ADGRL3: variants seen among roughly 807,000 people sequenced by gnomAD.
ADGRL3 encodes calcium-independent alpha-latrotoxin receptor 3.
ADGRL3 carries 62 observed loss-of-function variants against 153.5 expected under a neutral mutation model. The observed-to-expected ratio is 0.40, with a 90% confidence interval of 0.33 to 0.50. The LOEUF is 0.50. ADGRL3 is among the 20% of genes least tolerant of loss of function. ADGRL3 has a pLI of 0.47. For synonymous variants in ADGRL3, 710 were observed against 672.5 expected (o/e 1.06, Z -0.86); for missense variants, 1,641 against 1,859.4 (o/e 0.88, Z 2.16).
At chr4:61,904,783 A>T (rs1318987564) in intron 11 of ADGRL3, among the ~76,000 whole-genome samples, 4 of 152,122 alleles carry the variant, frequency 2.6e-5, no homozygotes, top group African/African-American at 9.7e-5. Context: ...TCATCGATAG[A>T]TGTAATTAAA....
chr4:61,972,532 G>C (rs1387735416), intron 17 of ADGRL3, among the ~76,000 whole-genome samples: 7 of 152,146 alleles, frequency 4.6e-5, no homozygotes, highest in South Asian at 2.1e-4. Context: ...TGTTTTGGTA[G>C]CTGTACCATG....
chr4:61,781,722 C>T (rs985731421), intron 8 of ADGRL3, among the ~76,000 whole-genome samples: 6 of 152,178 alleles, frequency 3.9e-5, no homozygotes, highest in East Asian at 1.9e-4. Flanking sequence ...ATAGTAAAAG[C>T]GGTAAAATTA....
At position 61,580,808 on chromosome 4, in the gene ADGRL3, G is replaced by C. The variant is rs530218949; in HGVS notation, c.260-6419G>C. On this transcript the variant is annotated intron_variant, in intron 4 of 26. Transcript: ENST00000683033. ...CTCTCAAGATATGATAGTTGGCTTTGCATAAAACGAGGGACTGAAGGGAGG... is the reference window on the plus strand; with the variant it reads ...CTCTCAAGATATGATAGTTGGCTTTCCATAAAACGAGGGACTGAAGGGAGG... Among the ~76,000 whole-genome samples the C allele has an allele frequency of 3.9e-5, 6 of 152,046 alleles. 1 individual carries two copies. In the East Asian group the frequency reaches 9.7e-4, roughly 25 times the overall value.
At chr4:61,877,195 A>G (rs1006905280) in intron 9 of ADGRL3, among the ~76,000 whole-genome samples, 1 of 152,206 alleles carries the variant, frequency 6.6e-6, no homozygotes, top group African/African-American at 2.4e-5. Flanking sequence ...GATGGTAGGA[A>G]ATCATGGGAT....
At chr4:61,448,364 A>G (rs2097613848) in intron 2 of ADGRL3, among the ~76,000 whole-genome samples, 1 of 152,224 alleles carries the variant, frequency 6.6e-6, no homozygotes, top group Non-Finnish European at 1.5e-5. Flanking sequence ...ACTGCGGGAA[A>G]TAATTCTAAG....
intron 23 of ADGRL3, among the ~76,000 whole-genome samples, chr4:62,032,454 A>G (rs1054078158): frequency 1.1e-4 from 16 of 151,492 alleles, no homozygotes; most frequent in African/African-American, 2.4e-4. Flanking sequence ...CTGTTTTTCT[A>G]TTTAAAAACT....
At chr4:61,339,420 C>T (rs2095756047) in intron 1 of ADGRL3, among the ~76,000 whole-genome samples, 1 of 151,994 alleles carries the variant, frequency 6.6e-6, no homozygotes, top group African/African-American at 2.4e-5. Flanking sequence ...AGTAAATATC[C>T]ATGTCCACCG....
chr4:61,684,272 A>G (rs975658387), intron 6 of ADGRL3, among the ~76,000 whole-genome samples: 2 of 152,164 alleles, frequency 1.3e-5, no homozygotes, highest in African/African-American at 2.4e-5. Context: ...GGCTAGTTTA[A>G]ATTAAATAAA....
chr4:61,663,723 C>T (rs898686302), intron 5 of ADGRL3, among the ~76,000 whole-genome samples: 6 of 152,164 alleles, frequency 3.9e-5, no homozygotes, highest in African/African-American at 1.4e-4. Context: ...AAATTTTTTC[C>T]CTTTTTCTCT....
intron 1 of ADGRL3, among the ~76,000 whole-genome samples, chr4:61,314,453 C>T (rs975456229): frequency 3.3e-5 from 5 of 152,174 alleles, no homozygotes; most frequent in Admixed American, 2.6e-4. Flanking sequence ...AGATGATCCA[C>T]CCGCTCGGCC....
chr4:61,768,909 G>T (rs558550059), intron 8 of ADGRL3, among the ~76,000 whole-genome samples: 2 of 151,868 alleles, frequency 1.3e-5, no homozygotes, highest in Non-Finnish European at 2.9e-5. Context: ...AGGGATTGGG[G>T]TGCAGAGATA....
intron 2 of ADGRL3, among the ~76,000 whole-genome samples, chr4:61,425,907 G>C (rs1403758265): frequency 1.3e-5 from 2 of 152,204 alleles, no homozygotes; most frequent in African/African-American, 2.4e-5. Flanking sequence ...CTGCCTTTAG[G>C]TGCATTGAGG....
intron 17 of ADGRL3, among the ~76,000 whole-genome samples, chr4:61,952,636 T>C (rs374188481): frequency 1.3e-5 from 2 of 152,316 alleles, no homozygotes; most frequent in East Asian, 3.9e-4. Flanking sequence ...ATTTTGATGT[T>C]CGAAGGACTA....
At chr4:61,320,713 T>G (rs563084381) in intron 1 of ADGRL3, among the ~76,000 whole-genome samples, 25 of 152,226 alleles carry the variant, frequency 1.6e-4, no homozygotes, top group Non-Finnish European at 2.5e-4. Flanking sequence ...AGTAGTGATT[T>G]GCCAAATGCA....
intron 2 of ADGRL3, among the ~76,000 whole-genome samples, chr4:61,467,926 C>G (rs185918061): frequency 2.6e-5 from 4 of 152,150 alleles, no homozygotes; most frequent in African/African-American, 9.6e-5. Flanking sequence ...AGTAATTTAA[C>G]CTATATAAAC....
At chr4:61,976,398 T>A (rs1174798836) in intron 17 of ADGRL3, among the ~76,000 whole-genome samples, 3 of 152,324 alleles carry the variant, frequency 2.0e-5, no homozygotes, top group East Asian at 3.9e-4. Context: ...CATATTTACA[T>A]CTGTTATTTA....
intron 11 of ADGRL3, among the ~76,000 whole-genome samples, chr4:61,903,876 A>G (rs2098680317): frequency 6.6e-6 from 1 of 151,762 alleles, no homozygotes; most frequent in African/African-American, 2.4e-5. Context: ...GGGATGAAAC[A>G]ATTCTCCCAC....
intron 5 of ADGRL3, among the ~76,000 whole-genome samples, chr4:61,613,542 G>A (rs968821832): frequency 1.3e-4 from 20 of 152,104 alleles, no homozygotes; most frequent in African/African-American, 3.9e-4. Flanking sequence ...TCAGGAGTTC[G>A]AGACCAGCCT....
intron 8 of ADGRL3, among the ~76,000 whole-genome samples, chr4:61,760,371 C>G (rs2096896506): frequency 1.3e-5 from 2 of 152,176 alleles, no homozygotes; most frequent in Admixed American, 1.3e-4. Context: ...GCGCCCCTCC[C>G]CCAGTCTCGC....
Sources: gnomAD v4.1 joint callset for allele counts (sites outside exome capture counted in the v4.1 genomes callset) on GRCh38, gnomAD v4.1.1 for gene constraint, MANE v1.5 for transcripts, NCBI Gene and HGNC (gene_info 2026-07-23, HGNC 2026-07-21) for gene names.